Variants in PIEZO1 observed in about 807,000 individuals in gnomAD.
The protein encoded by PIEZO1 is piezo-type mechanosensitive ion channel component 1.
PIEZO1 carries 296 observed loss-of-function variants against 297.2 expected under a neutral mutation model. The observed-to-expected ratio is 1.00, with a 90% CI of 0.91 to 1.10. The LOEUF is 1.10. PIEZO1 is among the 50% of genes least tolerant of loss of function. The pLI, the probability that PIEZO1 is intolerant of heterozygous loss-of-function variation, is 0.00. For synonymous variants in PIEZO1, 2,427 were observed against 1,507.5 expected (o/e 1.61, Z -14.13); for missense variants, 5,018 against 3,455.5 (o/e 1.45, Z -11.34).
chr16:88,764,998 T>C (rs1313745394), intron 1 of PIEZO1, among the ~76,000 whole-genome samples: 1 of 152,202 alleles, frequency 6.6e-6, no homozygotes, highest in Non-Finnish European at 1.5e-5. Context: ...TCAACACAGC[T>C]ACCTGGCCCT....
At chr16:88,780,345 G>C (rs899017750) in intron 1 of PIEZO1, among the ~76,000 whole-genome samples, 2 of 152,214 alleles carry the variant, frequency 1.3e-5, no homozygotes, top group Non-Finnish European at 2.9e-5. Flanking sequence ...GGAGCTCAAA[G>C]GTCAAGAGCA....
At chr16:88,740,797 G>T (rs2242166) in intron 5 of PIEZO1, 34,021 of 152,196 alleles carry the variant, frequency 0.22, 4,263 homozygotes, top group East Asian at 0.55. Flanking sequence ...CAGGGAGTTC[G>T]TGGGCCAGGA....
At chr16:88,725,901 T>G (rs1439537325) in intron 27 of PIEZO1, 7 of 578,224 alleles carry the variant, frequency 1.2e-5, no homozygotes, top group South Asian at 2.1e-5. Flanking sequence ...GGGCGTCTGG[T>G]GGCACCCACC....
At chr16:88,784,853 G>T in intron 1 of PIEZO1, 48 bp downstream of exon 1, 3 of 1,320,628 alleles carry the variant, frequency 2.3e-6, no homozygotes, top group Non-Finnish European at 3.0e-6. Flanking sequence ...GTGGGGAGCC[G>T]AGACGCAGCC....
rs546066895 is a variant in PIEZO1, at chr16:88,720,388, A to G, written c.5946T>C (p.Phe1982=). 6.5e-7 allele frequency: 1 copy of G among 1,550,074 alleles called. No individual in the cohort carries two copies. Among genetic ancestry groups the G allele is most frequent in the East Asian group, 2.4e-5 (1 of 40,882 alleles). ...FIIIIFGFWA[F]GKHSAATDIT... ...TTGGGTCCCGGGCCTGGCTCACCCC[A>G]AAGGCCCAGAAGCCAAAAATGATGA... The change falls in exon 41 of 51, where the codon TTT becomes TTC. Residue 1982 remains phenylalanine (F), a synonymous_variant. Transcript: ENST00000301015.
chr16:88,757,783 T>A (rs564758627), intron 1 of PIEZO1, among the ~76,000 whole-genome samples: 81 of 152,102 alleles, frequency 5.3e-4, no homozygotes, highest in Non-Finnish European at 1.0e-3. Flanking sequence ...GGTGGCACCA[T>A]CCCACCCCAC....
chr16:88,737,129 C>T, intron 10 of PIEZO1: 1 of 242,292 alleles, frequency 4.1e-6, no homozygotes, highest in South Asian at 6.4e-5. Context: ...GAAAGAGCCC[C>T]CAGGCCCTCC....
At chr16:88,731,962 G>GGCGTGGGGATGC (rs1567670088) in intron 21 of PIEZO1, 52 bp from the exon 22 acceptor site, 6 of 119,938 alleles carry the variant, frequency 5.0e-5, no homozygotes, top group Non-Finnish European at 9.6e-5. Context: ...TGGGGGGAGG[G>GGCGTGGGGATGC]ACTTTCTTGT....
chr16:88,772,514 C>T (rs1907470178), intron 1 of PIEZO1, among the ~76,000 whole-genome samples: 1 of 152,176 alleles, frequency 6.6e-6, no homozygotes, highest in Non-Finnish European at 1.5e-5. Context: ...GGCACAGTGG[C>T]TCACGCCTGT....
At chr16:88,716,980 C>CCCCA (rs1347978019) in intron 45 of PIEZO1, 43 bp downstream of exon 45, 4 of 1,548,008 alleles carry the variant, frequency 2.6e-6, no homozygotes, top group Non-Finnish European at 3.5e-6. Context: ...TGGCCAGAAC[C>CCCCA]CCCAGGGGAT....
chr16:88,723,082 CG>C lies in PIEZO1; in HGVS notation c.4495+12del. On this transcript the variant is annotated intron_variant, in intron 33 of 50. Coordinates refer to ENST00000301015, the MANE Select transcript of PIEZO1 (RefSeq NM_001142864.4). Reference sequence around the variant, plus strand: ...AGAGAGACCTCCCACTCCCCAGCCCCGGGCCCACGTACCTGCCGCTGCCTCC... The same window carrying C: ...AGAGAGACCTCCCACTCCCCAGCCCCGGCCCACGTACCTGCCGCTGCCTCC... 1 of 1,546,996 alleles carries C rather than the reference CG, an allele frequency of 6.5e-7. No individual in the cohort carries two copies. The highest frequency in any genetic ancestry group is 8.7e-7 in the Non-Finnish European group (1 of 1,146,450).
chr16:88,772,352 G>A (rs1021322879), intron 1 of PIEZO1, among the ~76,000 whole-genome samples: 24 of 152,178 alleles, frequency 1.6e-4, no homozygotes, highest in Non-Finnish European at 2.4e-4. Context: ...CCACCAGCTC[G>A]GAATATACTT....
intron 2 of PIEZO1, chr16:88,743,966 G>C (rs1045437457): frequency 3.6e-6 from 1 of 279,770 alleles, no homozygotes; most frequent in Non-Finnish European, 7.2e-6. Context: ...GCCACCACCA[G>C]GGGGTGCTGT....
intron 1 of PIEZO1, among the ~76,000 whole-genome samples, chr16:88,763,879 G>C (rs150517378): frequency 1.3e-5 from 2 of 152,214 alleles, no homozygotes; most frequent in Non-Finnish European, 2.9e-5. Context: ...GCAGCTCTCC[G>C]GGCTCTGTGA....
At chr16:88,727,837 A>G (rs1904564028) in intron 22 of PIEZO1, 176 bp from the exon 23 acceptor site, 2 of 416,888 alleles carry the variant, frequency 4.8e-6, no homozygotes, top group African/African-American at 2.0e-5. Context: ...TCACACACAC[A>G]GATTCCTTCA....
chr16:88,731,966 T>TCTGGGGGGAGGGCCTG, intron 21 of PIEZO1, 56 bp from the exon 22 acceptor site: 1 of 8,338 alleles, frequency 1.2e-4, no homozygotes, highest in Non-Finnish European at 1.9e-4. Flanking sequence ...GGGAGGGACT[T>TCTGGGGGGAGGGCCTG]TCTTGTCCCA....
Position 88,738,310 on chromosome 16 carries a change from G to T in PIEZO1, c.765C>A (p.Phe255Leu), listed in dbSNP as rs767600698. 1.3e-6 allele frequency: 2 copies of T among 1,535,880 alleles called. No individual in the cohort carries two copies. The highest frequency in any genetic ancestry group is 2.4e-5 in the East Asian group (1 of 40,916). The change falls in exon 7 of 51, where the codon TTC (phenylalanine) becomes TTA (leucine). Residue 255 changes from phenylalanine to leucine, a missense_variant. By Grantham distance (22) the Phe-to-Leu change is conservative (BLOSUM62 0). Transcript: ENST00000301015. ...FSRLCVAVGC[F>L]GAGHLICLYC... is the part of the protein sequence containing the mutation. ...AGAGGCAGATGAGATGGCCGGCGCC[G>T]AAGCACCCCACCGCGACGCAGAGTC...
intron 1 of PIEZO1, among the ~76,000 whole-genome samples, chr16:88,757,048 C>A (rs1463458771): frequency 1.3e-5 from 2 of 152,146 alleles, no homozygotes; most frequent in Non-Finnish European, 2.9e-5. Context: ...TGCACTCCAG[C>A]CTGGGCGACA....
intron 22 of PIEZO1, 155 bp from the exon 23 acceptor site, chr16:88,727,816 G>A (rs1904562433): frequency 2.7e-5 from 12 of 440,020 alleles, no homozygotes; most frequent in Middle Eastern, 5.7e-4. Context: ...CAGCTCTAGT[G>A]TCCTGTGTGT....
Sources: gnomAD v4.1 joint callset for allele counts (sites outside exome capture counted in the v4.1 genomes callset) on GRCh38, gnomAD v4.1.1 for gene constraint, MANE v1.5 for transcripts, NCBI Gene and HGNC (gene_info 2026-07-23, HGNC 2026-07-21) for gene names.